Variants in NUMB observed in about 807,000 individuals in gnomAD.
NUMB encodes the protein NUMB endocytic adaptor protein, also known as protein numb homolog.
A neutral mutation model predicts 59.7 loss-of-function variants in NUMB; 29 were observed. That is an observed-to-expected ratio of 0.49 (90% CI 0.36 to 0.66). NUMB has a LOEUF of 0.66. NUMB is among the 30% of genes least tolerant of loss of function. NUMB has a pLI of 0.00. For synonymous variants in NUMB, 288 were observed against 288.2 expected, an observed-to-expected ratio of 1.00 and a Z score of 0.01; for missense variants, 723 against 822.0, an observed-to-expected ratio of 0.88 and a Z score of 1.47.
At chr14:73,410,723 A>G (rs1896859499) in intron 1 of NUMB, among the ~76,000 whole-genome samples, 1 of 152,204 alleles carries the variant, frequency 6.6e-6, no homozygotes, top group Non-Finnish European at 1.5e-5. Flanking sequence ...CTGTAATTCT[A>G]TGTAAGCAAT....
Position 73,399,516 on chromosome 14 carries a change from T to C in NUMB, c.-101+10421A>G, listed in dbSNP as rs189418108. On this transcript the variant is annotated intron_variant, in intron 2 of 12. Coordinates refer to ENST00000555238, the MANE Select transcript of NUMB (RefSeq NM_001005743.2). ...ACACAGAGGCTGCAGTGAGCCGAGA[T>C]TGTGCCATTGCACTCCAGCCTGGGC... Among the ~76,000 whole-genome samples, 383 of 152,230 alleles carry C rather than the reference T, an allele frequency of 2.5e-3. 7 individuals are homozygous for C. Among genetic ancestry groups the C allele is most frequent in the Admixed American group, 0.021 (321 of 15,288 alleles).
chr14:73,367,294 T>TACACAC (rs1303814223), intron 2 of NUMB, among the ~76,000 whole-genome samples: 1 of 116,816 alleles, frequency 8.6e-6, no homozygotes, highest in Non-Finnish European at 1.6e-5. Flanking sequence ...TATATATATA[T>TACACAC]ATACACACAC....
At chr14:73,372,249 A>C (rs1447846187) in intron 2 of NUMB, among the ~76,000 whole-genome samples, 2 of 146,654 alleles carry the variant, frequency 1.4e-5, no homozygotes, top group Admixed American at 1.4e-4. Context: ...AAAGAGGTGA[A>C]GTAATTGCTT....
Position 73,284,357 on chromosome 14 carries a change from C to A in NUMB, c.673G>T (p.Val225Phe), listed in dbSNP as rs777903438. The change falls in exon 10 of 13, where the codon GTC (valine) becomes TTC (phenylalanine). Residue 225 changes from valine to phenylalanine, a missense_variant. Val to Phe is a conservative substitution (Grantham distance 50, BLOSUM62 -1). Coordinates refer to ENST00000555238, the MANE Select transcript of NUMB (RefSeq NM_001005743.2). Reference protein sequence around the residue: ...DAKKAETDKIVVGSSVAPGNT... With the variant: ...DAKKAETDKIFVGSSVAPGNT... ...CCAGGGGCAACTGATGAACCAACGA[C>A]TATCTTATCTGTTTCAGCTCAAGAA... 9 of 1,612,826 alleles carry A rather than the reference C, an allele frequency of 5.6e-6. No homozygotes were observed. The highest frequency in any genetic ancestry group is 7.6e-6 in the Non-Finnish European group (9 of 1,179,034).
chr14:73,302,900 T>A (rs998531501), intron 6 of NUMB, among the ~76,000 whole-genome samples: 1 of 152,158 alleles, frequency 6.6e-6, no homozygotes, highest in Non-Finnish European at 1.5e-5. Flanking sequence ...GAAAAAAAAC[T>A]ACATTAAATA....
intron 2 of NUMB, among the ~76,000 whole-genome samples, chr14:73,387,222 T>G (rs1171716271): frequency 6.6e-6 from 1 of 152,136 alleles, no homozygotes; most frequent in Non-Finnish European, 1.5e-5. Flanking sequence ...GGCTGTGTCC[T>G]TACCCTGATC....
chr14:73,334,046 TTGTG>T (rs948910537), intron 4 of NUMB, among the ~76,000 whole-genome samples: 2 of 150,828 alleles, frequency 1.3e-5, no homozygotes, highest in Admixed American at 6.6e-5. Flanking sequence ...TGGGGGTTTT[TTGTG>T]TGTGTGTGTT....
At chr14:73,324,254 C>A (rs1052621407) in intron 4 of NUMB, among the ~76,000 whole-genome samples, 2 of 152,130 alleles carry the variant, frequency 1.3e-5, no homozygotes, top group Non-Finnish European at 2.9e-5. Context: ...CTTTGCTCAC[C>A]GTGCATTTCC....
intron 6 of NUMB, chr14:73,297,526 A>G (rs1236140569): frequency 5.9e-6 from 2 of 337,152 alleles, no homozygotes; most frequent in Non-Finnish European, 1.1e-5. Context: ...AAATTAAGTA[A>G]AAGGGAAGTA....
At chr14:73,380,937 G>A (rs1225267835) in intron 2 of NUMB, among the ~76,000 whole-genome samples, 1 of 152,052 alleles carries the variant, frequency 6.6e-6, no homozygotes, top group Non-Finnish European at 1.5e-5. Flanking sequence ...TGACCAGGCT[G>A]GTCTCAAACT....
intron 1 of NUMB, among the ~76,000 whole-genome samples, chr14:73,413,048 C>T (rs1896964289): frequency 6.6e-6 from 1 of 151,676 alleles, no homozygotes; most frequent in Non-Finnish European, 1.5e-5. Flanking sequence ...GACTCCAGAG[C>T]CTATTTTTTA....
At chr14:73,335,369 T>C (rs1238546844) in intron 4 of NUMB, among the ~76,000 whole-genome samples, 1 of 150,532 alleles carries the variant, frequency 6.6e-6, no homozygotes, top group Non-Finnish European at 1.5e-5. Flanking sequence ...TTATGAACTA[T>C]TATAGAAACG....
In NUMB at chr14:73,276,793, G is replaced by C; in HGVS notation, c.1741C>G (p.Gln581Glu). ...AAAGCTGCAGAACCGTTGAGGTGCT[G>C]AGCAGGAGGCTTAAAGAAGGGACTG... ...TTSPFFKPPA[Q>E]HLNGSAAFNG... is the part of the protein sequence containing the mutation. The change falls in exon 13 of 13, where the codon CAG becomes GAG. Residue 581 changes from glutamine to glutamate, a missense_variant. Gln to Glu is a conservative substitution (Grantham distance 29, BLOSUM62 2). Around this residue, in one of 2 missense-constraint regions of NUMB, gnomAD observed 406 missense variants for 385.4 expected, o/e 1.05. Coordinates refer to ENST00000555238, the MANE Select transcript of NUMB (RefSeq NM_001005743.2). 6.2e-7 allele frequency: 1 copy of C among 1,614,214 alleles called. No individual in the cohort carries two copies. Among genetic ancestry groups the C allele is most frequent in the East Asian group, 2.2e-5 (1 of 44,888 alleles).
At chr14:73,328,913 C>T (rs1251748948) in intron 4 of NUMB, among the ~76,000 whole-genome samples, 1 of 152,182 alleles carries the variant, frequency 6.6e-6, no homozygotes, top group East Asian at 1.9e-4. Context: ...GTCGCCCAGG[C>T]TGGGGTGTGC....
chr14:73,450,054 A>G (rs1883817584), intron 1 of NUMB, among the ~76,000 whole-genome samples: 1 of 152,244 alleles, frequency 6.6e-6, no homozygotes, highest in Non-Finnish European at 1.5e-5. Flanking sequence ...TTACAATAAC[A>G]GTATCTGGAA....
intron 1 of NUMB, among the ~76,000 whole-genome samples, chr14:73,429,361 G>A (rs1460014761): frequency 6.6e-6 from 1 of 152,078 alleles, no homozygotes; most frequent in Non-Finnish European, 1.5e-5. Flanking sequence ...GACAGAGCGA[G>A]ACTCCATCTC....
chr14:73,382,868 G>A (rs1030977810), intron 2 of NUMB, among the ~76,000 whole-genome samples: 6 of 152,156 alleles, frequency 3.9e-5, no homozygotes, highest in Non-Finnish European at 4.4e-5. Context: ...AATAGGAGCT[G>A]GGCACAGTGG....
At chr14:73,414,245 C>G (rs994921202) in intron 1 of NUMB, among the ~76,000 whole-genome samples, 1 of 152,158 alleles carries the variant, frequency 6.6e-6, no homozygotes, top group Non-Finnish European at 1.5e-5. Context: ...CGTAAGCCAC[C>G]ACACCCAGCC....
At chr14:73,278,789 G>A (rs1462825491) in intron 12 of NUMB, among the ~76,000 whole-genome samples, 12 of 141,146 alleles carry the variant, frequency 8.5e-5, no homozygotes, top group African/African-American at 3.2e-4. Flanking sequence ...GTGCAGTGGC[G>A]CAATCTTGGC....
Sources: allele counts gnomAD v4.1 joint callset (sites outside exome capture counted in the v4.1 genomes callset), GRCh38; gene constraint gnomAD v4.1.1; regional missense constraint gnomAD v4.1.1; transcripts MANE v1.5; gene names NCBI Gene and HGNC (gene_info 2026-07-23, HGNC 2026-07-21).